COL16A1: variants seen among roughly 807,000 people sequenced by gnomAD.
The protein encoded by COL16A1 is collagen alpha-1(XVI) chain.
A neutral mutation model predicts 266.3 loss-of-function variants in COL16A1; 189 were observed. That is an observed-to-expected ratio of 0.71 (90% CI 0.63 to 0.80). The LOEUF is 0.80. Among genes scored for constraint, COL16A1 ranks in the 30% least tolerant of loss-of-function variants. The pLI is 0.00. For missense variants in COL16A1, 1,928 were observed against 2,122.4 expected (o/e 0.91, Z 1.80); for synonymous variants, 740 against 782.3 (o/e 0.95, Z 0.90).
At position 31,696,106 on chromosome 1, in the gene COL16A1, C is replaced by T; in HGVS notation, c.900G>A (p.Lys300=). ...DAQLTGRISQ[K]AERGAKVHQE... is the part of the protein sequence containing the mutation. ...CCTCTACCTTTGCTCCCCTTTCTGC[C>T]TTCTGGCTGATTCTTCCCGTCAGCT... Residue 300 remains lysine, a synonymous_variant, in exon 9 of 71, where the codon AAG becomes AAA. Transcript: ENST00000373672. 6.2e-7 allele frequency: 1 copy of T among 1,613,752 alleles called. No homozygotes were observed. Among genetic ancestry groups the T allele is most frequent in the Non-Finnish European group, 8.5e-7 (1 of 1,179,798 alleles).
At chr1:31,693,657 G>A (rs1570574651) in intron 12 of COL16A1, among the ~76,000 whole-genome samples, 1 of 152,142 alleles carries the variant, frequency 6.6e-6, no homozygotes, top group Non-Finnish European at 1.5e-5. Context: ...GCATAGCTTC[G>A]CTCCCCATCA....
In COL16A1 at chr1:31,661,555, A is replaced by G. The variant is rs940018224; in HGVS notation, c.3727-97T>C. 31 of 1,611,280 alleles carry G rather than the reference A, an allele frequency of 1.9e-5. No individual in the cohort carries two copies. In the African/African-American group the frequency reaches 3.7e-4, roughly 19 times the overall value. ...AGTTCAAACAATTCAAACCAATCCA[A>G]AGTCATAACACGGTCCACGGAGGAT... On this transcript the variant is annotated intron_variant, in intron 59 of 70. Transcript: ENST00000373672.
In COL16A1 at chr1:31,657,698, A is replaced by G. The variant is rs147232197; in HGVS notation, c.4021-630T>C. On this transcript the variant is annotated intron_variant, in intron 64 of 70. Coordinates refer to ENST00000373672, the MANE Select transcript of COL16A1 (RefSeq NM_001856.4). This position sits in a 1 kb window ranked among gnomAD's most constrained non-coding sequence, Gnocchi z 6.4. ...CCCAGAAAAAGTCTGCGTTGATGGA[A>G]AGCATCCTGATGGGTCCCAGGAGAC... 3.2e-3 allele frequency among the ~76,000 whole-genome samples: 485 copies of G among 152,302 alleles called. 1 individual carries two copies. The highest frequency in any genetic ancestry group is 0.011 in the African/African-American group (460 of 41,566).
At chr1:31,654,355 C>T (rs1338445369) in intron 68 of COL16A1, among the ~76,000 whole-genome samples, 2 of 152,194 alleles carry the variant, frequency 1.3e-5, no homozygotes, top group Non-Finnish European at 2.9e-5. Context: ...GGTCTGCTTC[C>T]CAAGCAAGAC....
chr1:31,681,657 T>C (rs1643650665), intron 37 of COL16A1, among the ~76,000 whole-genome samples: 1 of 152,204 alleles, frequency 6.6e-6, no homozygotes, highest in Admixed American at 6.5e-5. Flanking sequence ...AACGTTCTCC[T>C]GAAAAGGAAA....
chr1:31,661,321 C>T (rs1340283262), intron 60 of COL16A1, 93 bp downstream of exon 60: 12 of 1,594,374 alleles, frequency 7.5e-6, no homozygotes, highest in Non-Finnish European at 1.0e-5. Context: ...GCTGGGATGG[C>T]CTCTCTGCCC....
chr1:31,653,829 A>G (rs200335403), intron 69 of COL16A1, 38 bp downstream of exon 69: 1 of 1,588,618 alleles, frequency 6.3e-7, no homozygotes, highest in East Asian at 2.2e-5. Context: ...GCCCCAAAGA[A>G]TTACATGTGT....
At chr1:31,696,167 C>T (rs751865540) in intron 8 of COL16A1, 26 bp from the exon 9 acceptor site, 2 of 1,611,422 alleles carry the variant, frequency 1.2e-6, no homozygotes, top group East Asian at 2.2e-5. Context: ...AAAGAGAAAC[C>T]CTTGAGGAGG....
intron 11 of COL16A1, among the ~76,000 whole-genome samples, chr1:31,694,978 G>A (rs1644430602): frequency 6.6e-6 from 1 of 152,212 alleles, no homozygotes; most frequent in South Asian, 2.1e-4. Flanking sequence ...CAGATGACAA[G>A]GCAGGTCACA....
At chr1:31,679,395 G>T (rs2148745127) in intron 42 of COL16A1, 1 of 1,524,254 alleles carries the variant, frequency 6.6e-7, no homozygotes, top group Non-Finnish European at 8.8e-7. Flanking sequence ...GATTGTGGGT[G>T]CCTGACAGCT....
At chr1:31,675,087 T>C (rs371375075) in intron 43 of COL16A1, 48 bp from the exon 44 acceptor site, 3 of 1,612,068 alleles carry the variant, frequency 1.9e-6, no homozygotes, top group Middle Eastern at 1.6e-4. Context: ...GGAAGGAACA[T>C]GGAGACTTAT....
rs145173282 is a variant in COL16A1 at position 31,671,654 on chromosome 1, C to T, written c.3111G>A (p.Pro1037=). The change falls in exon 48 of 71, where the codon CCG becomes CCA. Residue 1037 remains proline, a synonymous_variant. Coordinates refer to ENST00000373672, the MANE Select transcript of COL16A1 (RefSeq NM_001856.4). ...GLPGQRGEEG[P]PGMRGSPGPP... Reference sequence around the variant, plus strand: ...GACCCGGGGAGCCCCTCATGCCAGGCGGACCCTGCAAAGGAAGCCAAGGGA... The same window carrying T: ...GACCCGGGGAGCCCCTCATGCCAGGTGGACCCTGCAAAGGAAGCCAAGGGA... The T allele has an allele frequency of 2.0e-5, 33 of 1,614,026 alleles. No individual in the cohort carries two copies. The highest frequency in any genetic ancestry group is 2.7e-5 in the Non-Finnish European group (32 of 1,179,982).
At chr1:31,695,950 C>G in intron 9 of COL16A1, 138 bp downstream of exon 9, 3 of 985,918 alleles carry the variant, frequency 3.0e-6, no homozygotes, top group Non-Finnish European at 4.8e-6. Context: ...GAGCTGGCAC[C>G]TACATGTCCT....
At position 31,697,055 on chromosome 1, in the gene COL16A1, T is replaced by C. The variant is rs1350236306; in HGVS notation, c.772A>G (p.Thr258Ala). The change falls in exon 8 of 71, where the codon ACC becomes GCC. Residue 258 changes from threonine (T) to alanine (A), a missense_variant. Physicochemically the swap from Thr to Ala is moderately conservative, Grantham distance 58. Transcript: ENST00000373672. This position sits in a 1 kb window ranked among gnomAD's most constrained non-coding sequence, Gnocchi z 4.2. The stretch of plus-strand genomic sequence containing the variant: ...ATCTCAATGAGCTCATTGCTCTGGG[T>C]GTCCCGGCGGGCCTTGGAGGTCTCT... ...PPETSKARRD[T>A]QSNELIEINP... is the part of the protein sequence containing the mutation. 1 of 1,614,082 alleles carries C rather than the reference T, an allele frequency of 6.2e-7. No individual in the cohort carries two copies. The highest frequency in any genetic ancestry group is 8.5e-7 in the Non-Finnish European group (1 of 1,180,034).
chr1:31,652,603 GC>G lies in COL16A1; in HGVS notation c.*47del. 2 of 1,502,260 alleles carry G rather than the reference GC, an allele frequency of 1.3e-6. No homozygotes were observed. Among genetic ancestry groups the G allele is most frequent in the Non-Finnish European group, 1.8e-6 (2 of 1,126,704 alleles). The allele number at this position is 1,502,260 out of a possible 1,614,324, so 93.1% of individuals were successfully genotyped here. A position where few individuals can be genotyped will look rare whatever the true frequency, so the allele number is the denominator to read the frequency against. On this transcript the variant is annotated 3_prime_UTR_variant, in exon 71 of 71. Coordinates refer to ENST00000373672, the MANE Select transcript of COL16A1 (RefSeq NM_001856.4). This position sits in a 1 kb window ranked among gnomAD's most constrained non-coding sequence, Gnocchi z 4.8. ...CTGTCACAGAGTCCTATAAGCTTTG[GC>G]CATTTATTCCCAACGGAGTCTTTCA...
At chr1:31,703,130 C>T (rs1228713600) in intron 1 of COL16A1, among the ~76,000 whole-genome samples, 3 of 152,164 alleles carry the variant, frequency 2.0e-5, no homozygotes, top group Non-Finnish European at 2.9e-5. Context: ...CAGGCATGCT[C>T]ACGGAAACAT....
rs775193676 is a variant in COL16A1 at position 31,653,985 on chromosome 1, C to T, written c.4416G>A (p.Pro1472=). The T allele has an allele frequency of 1.5e-5, 24 of 1,614,206 alleles. No individual in the cohort carries two copies. The highest frequency in any genetic ancestry group is 9.3e-5 in the African/African-American group (7 of 75,056). The part of the protein sequence containing the change: ...MQFPMEMAAA[P]GRPGPPGKDG... ...CCTTCCCTGGAGGCCCTGGTCGTCC[C>T]GGAGCTGCCGCCATCTCCATGGGGA... is the stretch of plus-strand genomic sequence containing the variant. Residue 1472 remains proline (P), a synonymous_variant, in exon 69 of 71, where the codon CCG becomes CCA. Coordinates refer to ENST00000373672, the MANE Select transcript of COL16A1 (RefSeq NM_001856.4).
rs77096287 is a variant in COL16A1 at position 31,680,166 on chromosome 1, C to T, written c.2611-65G>A. ...GAAGGGCTCTCTTGAAATGGACATCCGAGAGGCACGTGGGCTCTAGAGATG... is the reference window on the plus strand; with the variant it reads ...GAAGGGCTCTCTTGAAATGGACATCTGAGAGGCACGTGGGCTCTAGAGATG... On this transcript the variant is annotated intron_variant, in intron 39 of 70. Transcript: ENST00000373672. 1,676 of 1,571,664 alleles carry T rather than the reference C, an allele frequency of 1.1e-3. 15 individuals are homozygous for T. The African/African-American group carries it at 0.02, about 19-fold the overall frequency.
In COL16A1 at chr1:31,665,038, G is replaced by A. The variant is rs977558825; in HGVS notation, c.3555+134C>T. 12 of 1,294,480 alleles carry A rather than the reference G, an allele frequency of 9.3e-6. No individual in the cohort carries two copies. In the African/African-American group the frequency reaches 1.2e-4, roughly 13 times the overall value. The allele number at this position is 1,294,480 out of a possible 1,614,324, so 80.2% of individuals were successfully genotyped here. A position where few individuals can be genotyped will look rare whatever the true frequency, so the allele number is the denominator to read the frequency against. ...CAGTAGTCACTGGGCCCATCCTGGA[G>A]GCCTCTTTTCCCAGCCTCAGTGCAA... On this transcript the variant is annotated intron_variant, in intron 56 of 70. Coordinates refer to ENST00000373672, the MANE Select transcript of COL16A1 (RefSeq NM_001856.4).
Sources: gnomAD v4.1 joint callset for allele counts (sites outside exome capture counted in the v4.1 genomes callset) on GRCh38, gnomAD v4.1.1 for gene constraint, Gnocchi (gnomAD v3.1) non-coding constraint, MANE v1.5 for transcripts, NCBI Gene and HGNC (gene_info 2026-07-23, HGNC 2026-07-21) for gene names.